RIN3: variants seen among roughly 807,000 people sequenced by gnomAD.
RIN3 encodes RAB5 interacting protein 3.
A neutral mutation model predicts 76.3 loss-of-function variants in RIN3; 54 were observed. The ratio of observed to expected loss-of-function variants is 0.71; its 90% CI spans 0.57 to 0.89. The LOEUF (loss-of-function observed/expected upper bound fraction) is 0.89. Among genes scored for constraint, RIN3 ranks in the 40% least tolerant of loss-of-function variants. The pLI, the probability that RIN3 is intolerant of heterozygous loss-of-function variation, is 0.00. For missense variants in RIN3, 1,256 were observed against 1,322.1 expected, an observed-to-expected ratio of 0.95 and a Z score of 0.78; for synonymous variants, 576 against 564.0, an observed-to-expected ratio of 1.02 and a Z score of -0.30.
intron 4 of RIN3, among the ~76,000 whole-genome samples, chr14:92,625,169 G>A (rs956878811): frequency 7.2e-5 from 11 of 152,188 alleles, no homozygotes; most frequent in Non-Finnish European, 1.6e-4. Flanking sequence ...AACCTATAGA[G>A]CATTTCATAA....
At chr14:92,610,227 G>A (rs2140098137) in intron 3 of RIN3, among the ~76,000 whole-genome samples, 1 of 152,154 alleles carries the variant, frequency 6.6e-6, no homozygotes, top group African/African-American at 2.4e-5. Flanking sequence ...CTTAAAAATG[G>A]TTAAAATGCT....
intron 6 of RIN3, among the ~76,000 whole-genome samples, chr14:92,655,723 T>G (rs1305825136): frequency 6.6e-6 from 1 of 152,252 alleles, no homozygotes; most frequent in Non-Finnish European, 1.5e-5. Context: ...GATTGGATTC[T>G]GCCTGTTGTG....
intron 3 of RIN3, among the ~76,000 whole-genome samples, chr14:92,585,134 G>A (rs912409451): frequency 3.9e-5 from 6 of 152,220 alleles, no homozygotes; most frequent in South Asian, 2.1e-4. Flanking sequence ...TGCCTTAGCC[G>A]CCCAAGTAGC....
chr14:92,669,456 G>C (rs1040553016), intron 7 of RIN3, among the ~76,000 whole-genome samples: 1 of 152,160 alleles, frequency 6.6e-6, no homozygotes, highest in Admixed American at 6.5e-5. Flanking sequence ...CAAGGGCATT[G>C]GCCTTAGCTG....
chr14:92,634,376 A>G (rs923041744), intron 4 of RIN3, among the ~76,000 whole-genome samples: 10 of 152,134 alleles, frequency 6.6e-5, no homozygotes, highest in African/African-American at 2.4e-4. Flanking sequence ...CACTGCACCC[A>G]GCCAGCTAAA....
rs1053023749 is a variant in RIN3 at position 92,688,861 on chromosome 14, C to G, written c.*609C>G. On this transcript the variant is annotated 3_prime_UTR_variant, in exon 10 of 10. Transcript: ENST00000216487. ...CCAGGGCGCCAAGCACGGCCAGCTC[C>G]GCGGACCCATGGACAAGCCCAGCCC... is the stretch of plus-strand genomic sequence containing the variant. 1 of 153,648 alleles carries G rather than the reference C, an allele frequency of 6.5e-6. No homozygotes were observed. Among genetic ancestry groups the G allele is most frequent in the Non-Finnish European group, 1.4e-5 (1 of 69,212 alleles). 9.5% of individuals were successfully genotyped at this position (153,648 alleles called of 1,614,324 possible).
chr14:92,602,965 C>T (rs576357357), intron 3 of RIN3, among the ~76,000 whole-genome samples: 21 of 152,328 alleles, frequency 1.4e-4, no homozygotes, highest in Admixed American at 2.6e-4. Flanking sequence ...TGGAAGCAGC[C>T]TTGCTTGACC....
chr14:92,520,691 A>C (rs558900827), intron 1 of RIN3, among the ~76,000 whole-genome samples: 1 of 152,262 alleles, frequency 6.6e-6, no homozygotes, highest in East Asian at 1.9e-4. Context: ...TTGTTCTGTG[A>C]GTCAGTAAGT....
intron 7 of RIN3, among the ~76,000 whole-genome samples, chr14:92,673,449 C>T (rs1318644908): frequency 6.6e-6 from 1 of 151,408 alleles, no homozygotes; most frequent in Non-Finnish European, 1.5e-5. Flanking sequence ...TATTTTAATG[C>T]AGTATTTTTT....
In RIN3 at chr14:92,652,641, T is replaced by C; in HGVS notation, c.1592T>C (p.Leu531Pro). The C allele has an allele frequency of 6.2e-7, 1 of 1,611,660 alleles. No individual in the cohort carries two copies. Among genetic ancestry groups the C allele is most frequent in the Non-Finnish European group, 8.5e-7 (1 of 1,179,936 alleles). The change falls in exon 6 of 10, where the codon CTG becomes CCG. Residue 531 changes from leucine (L) to proline (P), a missense_variant. Transcript: ENST00000216487. The surrounding 1 kb of genome is among the most constrained non-coding windows in gnomAD (Gnocchi z 6.4). ...SQSSPEFKGS[L>P]ASLSDSLGVS... The stretch of plus-strand genomic sequence containing the variant: ...AGCTCTCCAGAGTTCAAGGGCTCCC[T>C]GGCCTCCCTCTCAGACAGCTTGGGG...
chr14:92,642,703 G>A (rs1887060279), intron 5 of RIN3, among the ~76,000 whole-genome samples: 1 of 152,134 alleles, frequency 6.6e-6, no homozygotes, highest in Non-Finnish European at 1.5e-5. Context: ...ACACCCCTTG[G>A]TTCCCAAGCC....
intron 1 of RIN3, among the ~76,000 whole-genome samples, chr14:92,521,242 TATCCATCCATGC>T (rs1896589288): frequency 1.3e-5 from 2 of 151,658 alleles, no homozygotes; most frequent in Admixed American, 6.6e-5. Context: ...TCCATTTATC[TATCCATCCATGC>T]ATCCATCCAT....
intron 7 of RIN3, among the ~76,000 whole-genome samples, chr14:92,663,414 T>C (rs1351641724): frequency 6.6e-6 from 1 of 152,188 alleles, no homozygotes; most frequent in Non-Finnish European, 1.5e-5. Flanking sequence ...AACCAGGTGC[T>C]TGCTGCTTTC....
intron 1 of RIN3, chr14:92,515,165 C>G: frequency 1.5e-6 from 1 of 686,180 alleles, no homozygotes; most frequent in Non-Finnish European, 2.7e-6. Context: ...TCCTGCCAGC[C>G]CGGAAATTCT....
intron 3 of RIN3, among the ~76,000 whole-genome samples, chr14:92,588,189 G>C (rs1180213996): frequency 4.6e-5 from 7 of 151,016 alleles, no homozygotes; most frequent in Non-Finnish European, 1.5e-5. Context: ...GAATTTCGGA[G>C]GGGACCCATT....
At chr14:92,575,649 G>A (rs770700609) in intron 2 of RIN3, among the ~76,000 whole-genome samples, 3 of 152,148 alleles carry the variant, frequency 2.0e-5, no homozygotes, top group Non-Finnish European at 4.4e-5. Context: ...CATGGCGCTG[G>A]TGGGAGTGTC....
At chr14:92,570,357 G>C (rs1898030727) in intron 2 of RIN3, among the ~76,000 whole-genome samples, 1 of 151,828 alleles carries the variant, frequency 6.6e-6, no homozygotes, top group African/African-American at 2.4e-5. Flanking sequence ...CACACACACT[G>C]TCCACTTTAA....
chr14:92,598,586 T>C (rs1426354633), intron 3 of RIN3, among the ~76,000 whole-genome samples: 1 of 152,242 alleles, frequency 6.6e-6, no homozygotes, highest in Non-Finnish European at 1.5e-5. Context: ...GTGGCTTAAT[T>C]AAGATCACAC....
chr14:92,603,060 A>C (rs140819177), intron 3 of RIN3, among the ~76,000 whole-genome samples: 1 of 152,342 alleles, frequency 6.6e-6, no homozygotes, highest in East Asian at 1.9e-4. Flanking sequence ...CCTACTCTGC[A>C]CTGCAAGCCT....
Sources: allele counts gnomAD v4.1 joint callset (sites outside exome capture counted in the v4.1 genomes callset), GRCh38; gene constraint gnomAD v4.1.1; non-coding constraint Gnocchi (gnomAD v3.1); transcripts MANE v1.5; gene names NCBI Gene and HGNC (gene_info 2026-07-23, HGNC 2026-07-21).